ACTR3C: variants seen among roughly 807,000 people sequenced by gnomAD.
The protein encoded by ACTR3C is actin-related protein 3C.
In ACTR3C, 18 loss-of-function variants were observed where a neutral mutation model predicts 26.3. The observed-to-expected ratio is 0.68, with a 90% CI of 0.47 to 1.01. The LOEUF (loss-of-function observed/expected upper bound fraction) is 1.01. ACTR3C is among the 50% of genes least tolerant of loss of function. The pLI is 0.00. For synonymous variants in ACTR3C, 55 were observed against 94.5 expected (o/e 0.58, Z 2.42); for missense variants, 184 against 250.7 (o/e 0.73, Z 1.80).
At chr7:150,049,434 G>T in the ACTR3C span, among the ~76,000 whole-genome samples, 9 of 152,204 alleles carry the variant, frequency 5.9e-5, no homozygotes, top group South Asian at 4.1e-4. Context: ...TGCCCATTCC[G>T]CCGCCTCCTT....
At chr7:150,096,210 A>C in the ACTR3C span, among the ~76,000 whole-genome samples, 7 of 149,752 alleles carry the variant, frequency 4.7e-5, no homozygotes, top group African/African-American at 1.8e-4. Flanking sequence ...AAGACTTTAC[A>C]CTTTGGATAT....
chr7:149,969,269 CTGTGTGTGTG>C, the ACTR3C span, among the ~76,000 whole-genome samples: 1,191 of 141,458 alleles, frequency 8.4e-3, 28 homozygotes, highest in East Asian at 0.064. Context: ...TCAGAAAGAG[CTGTGTGTGTG>C]TGTGTGTGTG....
intron 6 of ACTR3C, among the ~76,000 whole-genome samples, chr7:150,260,633 C>G (rs191799566): frequency 3.8e-4 from 58 of 152,342 alleles, no homozygotes; most frequent in Non-Finnish European, 7.2e-4. Context: ...TAACCTAGGA[C>G]GGGGGTTCAG....
At chr7:149,929,122 T>C in the ACTR3C span, among the ~76,000 whole-genome samples, 1 of 152,150 alleles carries the variant, frequency 6.6e-6, no homozygotes, top group East Asian at 1.9e-4. Context: ...CCATAATTAG[T>C]AATTCAGGCA....
the ACTR3C span, among the ~76,000 whole-genome samples, chr7:149,899,847 C>CAA: frequency 2.3e-5 from 3 of 130,380 alleles, no homozygotes; most frequent in South Asian, 2.4e-4. Flanking sequence ...CAAAACAAAA[C>CAA]AAAAAAAATC....
intron 1 of ACTR3C, chr7:150,323,248 C>A (rs894296944): frequency 4.2e-6 from 1 of 237,208 alleles, no homozygotes; most frequent in South Asian, 4.1e-5. Flanking sequence ...GCGGGGGGTG[C>A]GCGCGAAGAC....
the ACTR3C span, among the ~76,000 whole-genome samples, chr7:150,022,848 C>A: frequency 5.1e-5 from 7 of 137,856 alleles, no homozygotes; most frequent in African/African-American, 1.9e-4. Flanking sequence ...GGGGTATAGT[C>A]ATCAGAATTA....
chr7:149,896,943 C>A, the ACTR3C span, among the ~76,000 whole-genome samples: 2 of 151,758 alleles, frequency 1.3e-5, no homozygotes. Context: ...CACCTATAAT[C>A]CCAGCTACTT....
At chr7:150,127,602 G>A in the ACTR3C span, among the ~76,000 whole-genome samples, 27,485 of 151,384 alleles carry the variant, frequency 0.18, 2,731 homozygotes, top group Non-Finnish European at 0.23. Flanking sequence ...GCCTTATATA[G>A]AGAATGAATG....
At position 150,252,578 on chromosome 7, in the gene ACTR3C, T is replaced by C. The variant is rs544282240; in HGVS notation, c.565-3524A>G. On this transcript the variant is annotated intron_variant, in intron 6 of 7. Transcript: ENST00000683684. ...GGAAAGTAAATAAAGAGTAGATTTATACTATATGAAACATTTTAGAGTAAT... is the reference window on the plus strand; with the variant it reads ...GGAAAGTAAATAAAGAGTAGATTTACACTATATGAAACATTTTAGAGTAAT... Among the ~76,000 whole-genome samples, 8 of 152,328 alleles carry C rather than the reference T, an allele frequency of 5.3e-5. No individual in the cohort carries two copies. The East Asian group carries it at 7.7e-4, about 15-fold the overall frequency.
At chr7:150,028,580 C>T in the ACTR3C span, among the ~76,000 whole-genome samples, 1 of 152,304 alleles carries the variant, frequency 6.6e-6, no homozygotes, top group Non-Finnish European at 1.5e-5. Context: ...ATCCCGTGGG[C>T]ACCTGTTTGT....
chr7:150,000,168 T>A, the ACTR3C span, among the ~76,000 whole-genome samples: 7 of 152,194 alleles, frequency 4.6e-5, no homozygotes, highest in Middle Eastern at 3.2e-3. Flanking sequence ...TTTTCTTACA[T>A]AATAAAAAAT....
At chr7:150,140,952 A>C in the ACTR3C span, among the ~76,000 whole-genome samples, 1 of 152,250 alleles carries the variant, frequency 6.6e-6, no homozygotes, top group African/African-American at 2.4e-5. Flanking sequence ...AAACAGCCTT[A>C]TTGCTGACAT....
chr7:150,201,593 CAAAA>C, the ACTR3C span, among the ~76,000 whole-genome samples: 1 of 119,422 alleles, frequency 8.4e-6, no homozygotes, highest in Non-Finnish European at 1.9e-5. Flanking sequence ...AGTAAAAATA[CAAAA>C]AAAAAAAAAA....
At chr7:150,314,923 G>T (rs1331782705) in intron 1 of ACTR3C, among the ~76,000 whole-genome samples, 1 of 147,728 alleles carries the variant, frequency 6.8e-6, no homozygotes, top group African/African-American at 2.5e-5. Context: ...CTGCACTCCA[G>T]CCAGGATGAC....
the ACTR3C span, among the ~76,000 whole-genome samples, chr7:150,188,185 A>G: frequency 9.2e-5 from 14 of 152,222 alleles, no homozygotes; most frequent in Non-Finnish European, 2.1e-4. Flanking sequence ...CGTTCTTTCC[A>G]GAACATTATA....
the ACTR3C span, among the ~76,000 whole-genome samples, chr7:150,228,316 C>T: frequency 0.06 from 9,091 of 152,166 alleles, 494 homozygotes; most frequent in African/African-American, 0.14. Flanking sequence ...ATTTCTGGTA[C>T]ATAGAAAAAC....
chr7:150,203,875 G>A, the ACTR3C span, among the ~76,000 whole-genome samples: 2 of 152,070 alleles, frequency 1.3e-5, no homozygotes, highest in African/African-American at 4.8e-5. Context: ...CCCGGCCCGG[G>A]CACCAAAAGT....
the ACTR3C span, among the ~76,000 whole-genome samples, chr7:150,013,662 T>C: frequency 6.6e-6 from 1 of 152,206 alleles, no homozygotes; most frequent in African/African-American, 2.4e-5. Context: ...TTCTCTTCTT[T>C]CTCCTTTATT....
Sources: allele counts gnomAD v4.1 joint callset (sites outside exome capture counted in the v4.1 genomes callset), GRCh38; gene constraint gnomAD v4.1.1; transcripts MANE v1.5; gene names NCBI Gene and HGNC (gene_info 2026-07-23, HGNC 2026-07-21).